ZRANB3: variants seen among roughly 807,000 people sequenced by gnomAD.
The protein encoded by ZRANB3 is DNA annealing helicase and endonuclease ZRANB3.
In ZRANB3, 125 loss-of-function variants were observed where a neutral mutation model predicts 133.8. The observed-to-expected ratio is 0.93, with a 90% CI of 0.81 to 1.08. ZRANB3 has a LOEUF of 1.08. Among genes scored for constraint, ZRANB3 ranks in the 50% least tolerant of loss-of-function variants. The pLI, the probability that ZRANB3 is intolerant of heterozygous loss-of-function variation, is 0.00. For synonymous variants in ZRANB3, 387 were observed against 432.7 expected (o/e 0.89, Z 1.31); for missense variants, 1,229 against 1,275.5 (o/e 0.96, Z 0.56).
chr2:135,530,055 G>A (rs377196095), intron 1 of ZRANB3, among the ~76,000 whole-genome samples: 3 of 150,988 alleles, frequency 2.0e-5, no homozygotes, highest in East Asian at 4.0e-4. Context: ...GTGAAACCCC[G>A]TCTCTACTAA....
chr2:135,369,672 A>C (rs1299080586), intron 3 of ZRANB3, among the ~76,000 whole-genome samples: 1 of 152,238 alleles, frequency 6.6e-6, no homozygotes. Context: ...CTATAGCCGA[A>C]GTAAGGTGGG....
chr2:135,230,458 A>T, intron 13 of ZRANB3, 55 bp downstream of exon 13: 1 of 1,424,288 alleles, frequency 7.0e-7, no homozygotes, highest in East Asian at 2.5e-5. Flanking sequence ...AGCACAGGTT[A>T]TCTGAAGACA....
chr2:135,216,837 A>G (rs1038302334), intron 17 of ZRANB3, among the ~76,000 whole-genome samples: 5 of 152,204 alleles, frequency 3.3e-5, no homozygotes, highest in African/African-American at 9.7e-5. Context: ...TACAAAGAAC[A>G]GGGATTTGAG....
At position 135,426,741 on chromosome 2, in the gene ZRANB3, A is replaced by C. The variant is rs1689085206; in HGVS notation, c.162-35921T>G. ...CAGCTACTTGGGAGGCTGAGGCAGG[A>C]GAATGGCATGAACCCAGGAGGCGGA... On this transcript the variant is annotated intron_variant, in intron 2 of 20. Transcript: ENST00000264159. 1.3e-4 allele frequency among the ~76,000 whole-genome samples: 19 copies of C among 144,314 alleles called. No homozygotes were observed. In the Admixed American group the frequency reaches 1.3e-3, roughly 10 times the overall value. The allele number at this position is 144,314 out of a possible 152,430, so 94.7% of individuals were successfully genotyped here.
chr2:135,345,468 C>CAA (rs113439308), intron 6 of ZRANB3, 82 bp downstream of exon 6: 149 of 818,810 alleles, frequency 1.8e-4, no homozygotes, highest in Middle Eastern at 6.3e-4. Flanking sequence ...GACTCTGTCT[C>CAA]AAAAAAAAAA....
chr2:135,497,692 G>T (rs1257698828), intron 2 of ZRANB3, among the ~76,000 whole-genome samples: 1 of 152,042 alleles, frequency 6.6e-6, no homozygotes, highest in African/African-American at 2.4e-5. Context: ...CAATGCAGTA[G>T]GAAAAAGTCT....
intron 1 of ZRANB3, among the ~76,000 whole-genome samples, chr2:135,530,113 G>C (rs2104854637): frequency 1.3e-5 from 2 of 151,030 alleles, no homozygotes; most frequent in South Asian, 4.2e-4. Context: ...TGTAATCCCA[G>C]CTACTCCGGA....
chr2:135,289,100 A>G (rs1418648790), intron 8 of ZRANB3, among the ~76,000 whole-genome samples: 1 of 151,990 alleles, frequency 6.6e-6, no homozygotes, highest in Non-Finnish European at 1.5e-5. Context: ...TTTTTGCTGT[A>G]TCCTAGAGGT....
At chr2:135,401,486 C>T (rs1486898119) in intron 2 of ZRANB3, among the ~76,000 whole-genome samples, 9 of 152,152 alleles carry the variant, frequency 5.9e-5, no homozygotes, top group Non-Finnish European at 1.2e-4. Context: ...CACACCCTGT[C>T]GGTGGGGGGC....
chr2:135,375,896 G>C (rs1686409830), intron 3 of ZRANB3, among the ~76,000 whole-genome samples: 3 of 152,098 alleles, frequency 2.0e-5, no homozygotes, highest in Admixed American at 6.5e-5. Flanking sequence ...GTTATGGGTT[G>C]AATTGGGTAA....
chr2:135,249,611 C>A (rs1210935458), intron 12 of ZRANB3, among the ~76,000 whole-genome samples: 2 of 151,972 alleles, frequency 1.3e-5, no homozygotes, highest in Non-Finnish European at 2.9e-5. Context: ...TGGGAGGGAC[C>A]CAGGGGAAGG....
intron 2 of ZRANB3, among the ~76,000 whole-genome samples, chr2:135,426,572 G>C (rs1472146471): frequency 6.6e-6 from 1 of 151,832 alleles, no homozygotes; most frequent in African/African-American, 2.4e-5. Context: ...GCTCATGCCT[G>C]TAATCCCAGC....
rs1483628808 is a variant in ZRANB3, at chr2:135,399,510, G to A, written c.162-8690C>T. 4.6e-5 allele frequency among the ~76,000 whole-genome samples: 7 copies of A among 152,120 alleles called. 1 individual carries two copies. The highest frequency in any genetic ancestry group is 4.6e-4 in the Admixed American group (7 of 15,256). On this transcript the variant is annotated intron_variant, in intron 2 of 20. Coordinates refer to ENST00000264159, the MANE Select transcript of ZRANB3 (RefSeq NM_032143.4). Reference sequence around the variant, plus strand: ...GAATGAGGGTGAACACATATAAACTGGAGGGTTTTTTTTACATTGTCTTTT... The same window carrying A: ...GAATGAGGGTGAACACATATAAACTAGAGGGTTTTTTTTACATTGTCTTTT...
chr2:135,200,758 T>TG (rs1209689443), intron 20 of ZRANB3, among the ~76,000 whole-genome samples: 3 of 138,642 alleles, frequency 2.2e-5, no homozygotes, highest in African/African-American at 1.0e-4. Flanking sequence ...GGGAGGTTTT[T>TG]TTTTTTTTTT....
chr2:135,387,070 G>A (rs1353282212), intron 3 of ZRANB3, among the ~76,000 whole-genome samples: 2 of 151,646 alleles, frequency 1.3e-5, no homozygotes, highest in South Asian at 2.1e-4. Context: ...AGTGAAGGAC[G>A]TCATTTGTTT....
chr2:135,218,364 T>G (rs1211822759), intron 16 of ZRANB3, among the ~76,000 whole-genome samples: 2 of 152,186 alleles, frequency 1.3e-5, no homozygotes, highest in South Asian at 4.1e-4. Flanking sequence ...ACATTTTTAG[T>G]AGGGTTACCA....
chr2:135,378,027 C>G (rs370647088), intron 3 of ZRANB3, among the ~76,000 whole-genome samples: 1 of 152,212 alleles, frequency 6.6e-6, no homozygotes, highest in East Asian at 1.9e-4. Context: ...ATTGGACTCC[C>G]AAGTTCTTCA....
At chr2:135,318,640 T>C (rs943326356) in intron 6 of ZRANB3, among the ~76,000 whole-genome samples, 1 of 152,212 alleles carries the variant, frequency 6.6e-6, no homozygotes, top group Non-Finnish European at 1.5e-5. Context: ...GATACATTGC[T>C]TAACTTCGGG....
intron 2 of ZRANB3, among the ~76,000 whole-genome samples, chr2:135,425,691 G>A (rs1007865415): frequency 6.6e-6 from 1 of 152,116 alleles, no homozygotes; most frequent in Non-Finnish European, 1.5e-5. Flanking sequence ...TCCAGCTAAA[G>A]CAGTGTTAAG....
Sources: allele counts gnomAD v4.1 joint callset (sites outside exome capture counted in the v4.1 genomes callset), GRCh38; gene constraint gnomAD v4.1.1; transcripts MANE v1.5; gene names NCBI Gene and HGNC (gene_info 2026-07-23, HGNC 2026-07-21).